HTR1F: variants seen among roughly 807,000 people sequenced by gnomAD.
HTR1F encodes 5-hydroxytryptamine (serotonin) receptor 1F, G protein-coupled.
HTR1F carries 17 observed loss-of-function variants against 24.0 expected under a neutral mutation model. The observed-to-expected ratio is 0.71, with a 90% CI of 0.48 to 1.06. HTR1F has a LOEUF of 1.06. HTR1F is among the 50% of genes least tolerant of loss of function. The pLI, the probability that HTR1F is intolerant of heterozygous loss-of-function variation, is 0.00. For synonymous variants in HTR1F, 186 were observed against 156.8 expected (o/e 1.19, Z -1.39); for missense variants, 391 against 427.8 (o/e 0.91, Z 0.76).
chr3:87,852,076 T>C (rs1039516804), intron 2 of HTR1F, among the ~76,000 whole-genome samples: 3 of 151,212 alleles, frequency 2.0e-5, no homozygotes, highest in African/African-American at 7.3e-5. Flanking sequence ...GACTATGAAA[T>C]AGTATTTTAT....
At chr3:87,967,137 T>C (rs1315512926) in intron 2 of HTR1F, among the ~76,000 whole-genome samples, 1 of 152,092 alleles carries the variant, frequency 6.6e-6, no homozygotes, top group Non-Finnish European at 1.5e-5. Flanking sequence ...TTGCTTATAG[T>C]ACCTCTTCTG....
In HTR1F at chr3:87,991,163, G is replaced by A. The variant is rs774094542; in HGVS notation, c.414G>A (p.Lys138=). Residue 138 remains lysine (K), a synonymous_variant, in exon 3 of 3, where the codon AAG becomes AAA. Coordinates refer to ENST00000319595, the MANE Select transcript of HTR1F (RefSeq NM_001322209.2). Reference sequence around the variant, plus strand: ...AGTATGCCAGGAAAAGGACTCCAAAGCATGCTGGCATTATGATTACAATAG... The same window carrying A: ...AGTATGCCAGGAAAAGGACTCCAAAACATGCTGGCATTATGATTACAATAG... ...AVEYARKRTP[K]HAGIMITIVW... The A allele has an allele frequency of 3.1e-6, 5 of 1,613,914 alleles. No homozygotes were observed. Among genetic ancestry groups the A allele is most frequent in the Admixed American group, 3.3e-5 (2 of 59,980 alleles).
At chr3:87,955,261 T>A (rs1425938657) in intron 2 of HTR1F, among the ~76,000 whole-genome samples, 1 of 151,488 alleles carries the variant, frequency 6.6e-6, no homozygotes, top group Non-Finnish European at 1.5e-5. Context: ...TTTTCGCACC[T>A]ATATTAGTTT....
intron 2 of HTR1F, among the ~76,000 whole-genome samples, chr3:87,845,671 C>T (rs1261550356): frequency 4.0e-5 from 6 of 151,650 alleles, no homozygotes; most frequent in East Asian, 3.9e-4. Context: ...AGGTAATTTA[C>T]AGATTCAATG....
chr3:87,979,037 AGGGGG>A (rs1559656130), intron 2 of HTR1F, among the ~76,000 whole-genome samples: 5 of 9,774 alleles, frequency 5.1e-4, no homozygotes, highest in Admixed American at 1.3e-3. Context: ...GGAGGGAGGG[AGGGGG>A]GGAGGGAGGG....
At chr3:87,957,068 C>G (rs1482925450) in intron 2 of HTR1F, among the ~76,000 whole-genome samples, 1 of 151,206 alleles carries the variant, frequency 6.6e-6, no homozygotes, top group East Asian at 1.9e-4. Context: ...CACAAGGAAA[C>G]AGGACGTTAG....
chr3:87,824,680 A>G (rs530074799), intron 2 of HTR1F, among the ~76,000 whole-genome samples: 2 of 152,206 alleles, frequency 1.3e-5, no homozygotes, highest in Non-Finnish European at 2.9e-5. Context: ...ACAGCTGCAC[A>G]TAACCATCAG....
chr3:87,993,366 T>C lies in HTR1F; in HGVS notation c.*1516T>C, dbSNP rs1705878594. ...ATAAAATACAGTTTTTTTTCCTGAA[T>C]ATGTTTACAGTCTAAAAGGAGAAAC... On this transcript the variant is annotated 3_prime_UTR_variant, in exon 3 of 3. Coordinates refer to ENST00000319595, the MANE Select transcript of HTR1F (RefSeq NM_001322209.2). 1 of 166,518 alleles carries C rather than the reference T, an allele frequency of 6.0e-6. No homozygotes were observed. Among genetic ancestry groups the C allele is most frequent in the Non-Finnish European group, 1.5e-5 (1 of 68,054 alleles). The allele number at this position is 166,518 out of a possible 1,614,324, so 10.3% of individuals were successfully genotyped here.
intron 2 of HTR1F, among the ~76,000 whole-genome samples, chr3:87,848,543 T>C (rs184848144): frequency 2.0e-5 from 3 of 151,996 alleles, no homozygotes; most frequent in Admixed American, 6.6e-5. Context: ...TGAAATAATA[T>C]ATATAGGATG....
chr3:87,799,351 T>C (rs1206775829), intron 1 of HTR1F, among the ~76,000 whole-genome samples: 3 of 152,196 alleles, frequency 2.0e-5, no homozygotes, highest in African/African-American at 7.2e-5. Context: ...ATGTTTCTTA[T>C]TTATATCATT....
At chr3:87,913,568 T>A (rs774517680) in intron 2 of HTR1F, among the ~76,000 whole-genome samples, 6 of 152,066 alleles carry the variant, frequency 3.9e-5, no homozygotes, top group Non-Finnish European at 5.9e-5. Context: ...GACCCAGCAA[T>A]CCCATTACTG....
intron 2 of HTR1F, among the ~76,000 whole-genome samples, chr3:87,827,605 T>C (rs1704492209): frequency 6.6e-6 from 1 of 152,170 alleles, no homozygotes; most frequent in African/African-American, 2.4e-5. Context: ...AAAGCCTTTA[T>C]TTAAAAAATC....
chr3:87,943,632 G>A (rs1014346838), intron 2 of HTR1F, among the ~76,000 whole-genome samples: 17 of 152,284 alleles, frequency 1.1e-4, no homozygotes, highest in African/African-American at 4.1e-4. Context: ...TTCCTATAGG[G>A]CATAAATCAC....
At chr3:87,794,635 T>C (rs1448734674) in intron 1 of HTR1F, among the ~76,000 whole-genome samples, 2 of 152,210 alleles carry the variant, frequency 1.3e-5, no homozygotes, top group Admixed American at 6.5e-5. Flanking sequence ...ATTACAGAGC[T>C]AATGAGCTTA....
intron 2 of HTR1F, among the ~76,000 whole-genome samples, chr3:87,974,263 C>G (rs1705346011): frequency 6.6e-6 from 1 of 152,140 alleles, no homozygotes; most frequent in Admixed American, 6.5e-5. Context: ...CTGAATCCTC[C>G]CTCAGCTTCT....
chr3:87,990,384 A>G (rs1705794009), intron 2 of HTR1F, among the ~76,000 whole-genome samples: 1 of 152,126 alleles, frequency 6.6e-6, no homozygotes, highest in Non-Finnish European at 1.5e-5. Flanking sequence ...CACACTTTTA[A>G]ACTTTTTCTG....
At chr3:87,836,159 A>G (rs1257954708) in intron 2 of HTR1F, among the ~76,000 whole-genome samples, 1 of 152,174 alleles carries the variant, frequency 6.6e-6, no homozygotes, top group East Asian at 1.9e-4. Context: ...AGCTTCCTTC[A>G]GGGAATATTT....
At chr3:87,832,488 C>T (rs1330466574) in intron 2 of HTR1F, among the ~76,000 whole-genome samples, 9 of 152,002 alleles carry the variant, frequency 5.9e-5, no homozygotes, top group Admixed American at 2.0e-4. Flanking sequence ...CCGCCACACC[C>T]GGCTAATTTT....
At chr3:87,965,608 G>T (rs1026308781) in intron 2 of HTR1F, among the ~76,000 whole-genome samples, 11 of 151,836 alleles carry the variant, frequency 7.2e-5, no homozygotes, top group Non-Finnish European at 1.6e-4. Flanking sequence ...CATATTCCAG[G>T]GACACTAGAT....
Sources: allele counts gnomAD v4.1 joint callset (sites outside exome capture counted in the v4.1 genomes callset), GRCh38; gene constraint gnomAD v4.1.1; transcripts MANE v1.5; gene names NCBI Gene and HGNC (gene_info 2026-07-23, HGNC 2026-07-21).